Variants in PCSK6 observed in about 807,000 individuals in gnomAD.
PCSK6 encodes the protein paired basic amino acid cleaving enzyme 4.
In PCSK6, 85 loss-of-function variants were observed where a neutral mutation model predicts 123.3. That is an observed-to-expected ratio of 0.69 (90% confidence interval 0.58 to 0.83). The LOEUF is 0.83. PCSK6 is among the 40% of genes least tolerant of loss of function. PCSK6 has a pLI of 0.00. For synonymous variants in PCSK6, 508 were observed against 516.0 expected (o/e 0.98, Z 0.21); for missense variants, 1,191 against 1,282.3 (o/e 0.93, Z 1.09).
At chr15:101,317,655 G>A (rs867796914) in intron 19 of PCSK6, among the ~76,000 whole-genome samples, 3 of 152,092 alleles carry the variant, frequency 2.0e-5, no homozygotes, top group Non-Finnish European at 4.4e-5. Context: ...TTCTGTCCGC[G>A]CCGTTCCACA....
chr15:101,477,610 GTTC>G (rs1248007914), intron 1 of PCSK6, among the ~76,000 whole-genome samples: 1 of 152,148 alleles, frequency 6.6e-6, no homozygotes, highest in South Asian at 2.1e-4. Flanking sequence ...TGGTTTTCTT[GTTC>G]TTTTCTGTAT....
intron 6 of PCSK6, among the ~76,000 whole-genome samples, chr15:101,418,569 G>A (rs2055972693): frequency 6.7e-6 from 1 of 149,214 alleles, no homozygotes; most frequent in Non-Finnish European, 1.5e-5. Flanking sequence ...CTGCAGTGCA[G>A]TGGTGTCATC....
chr15:101,489,629 CGGCGGCCGGGGCCCGGGCGCA>C lies in PCSK6; in HGVS notation c.21_41del (p.Ala8_Pro14del). 1.0e-6 allele frequency: 1 copy of C among 974,016 alleles called. No homozygotes were observed. Among genetic ancestry groups the C allele is most frequent in the Non-Finnish European group, 1.2e-6 (1 of 824,926 alleles). The allele number at this position is 974,016 out of a possible 1,614,324, so 60.3% of individuals were successfully genotyped here. A position where few individuals can be genotyped will look rare whatever the true frequency, so the allele number is the denominator to read the frequency against. ...TGTCGGTGGCGGCGGCGGCCCGGGG[CGGCGGCCGGGGCCCGGGCGCA>C]GGCGGCGCGCGCGGAGGCATAGCGG... is the stretch of plus-strand genomic sequence containing the variant. On this transcript the variant is annotated inframe_deletion, in exon 1 of 22. Transcript: ENST00000611716.
At chr15:101,306,535 T>C (rs1019084273) in intron 21 of PCSK6, among the ~76,000 whole-genome samples, 4 of 152,168 alleles carry the variant, frequency 2.6e-5, no homozygotes, top group Non-Finnish European at 5.9e-5. Context: ...CCCTGCTGCT[T>C]GCTGGGCCAG....
rs1230072228 is a variant in PCSK6, at chr15:101,326,381, T to G, written c.2176A>C (p.Ser726Arg). The change falls in exon 16 of 22, where the codon AGC becomes CGC. Residue 726 changes from serine to arginine, a missense_variant. Coordinates refer to ENST00000611716, the MANE Select transcript of PCSK6 (RefSeq NM_002570.5). ...GGGCTGCGGGACATGCATTACCTGC[T>G]GGTCTTGACACTCCCCAGGCTGAAG... ...VHFSLGSVKT[S>R]RKCVSVCPLG... 1 of 1,569,452 alleles carries G rather than the reference T, an allele frequency of 6.4e-7. No individual in the cohort carries two copies. The highest frequency in any genetic ancestry group is 1.4e-5 in the African/African-American group (1 of 73,686).
intron 13 of PCSK6, chr15:101,347,312 T>G: frequency 8.1e-7 from 1 of 1,234,450 alleles, no homozygotes; most frequent in Non-Finnish European, 1.0e-6. Flanking sequence ...AAAACACAGA[T>G]CAAGATGGCT....
At chr15:101,347,660 G>T in intron 13 of PCSK6, 1 of 1,587,952 alleles carries the variant, frequency 6.3e-7, no homozygotes, top group Non-Finnish European at 8.6e-7. Context: ...GACTTCCAAA[G>T]GCAGCCAAAG....
chr15:101,364,985 G>C, intron 13 of PCSK6: 1 of 778,472 alleles, frequency 1.3e-6, no homozygotes, highest in Non-Finnish European at 2.4e-6. Context: ...AGAATCGAGA[G>C]TGTGGAAACG....
At chr15:101,323,434 G>A (rs74042000) in intron 17 of PCSK6, among the ~76,000 whole-genome samples, 2,839 of 152,248 alleles carry the variant, frequency 0.019, 74 homozygotes, top group African/African-American at 0.06. Flanking sequence ...TTGTTTCCCC[G>A]CTAAAGGGAG....
At chr15:101,432,360 C>T (rs1475998652) in intron 2 of PCSK6, among the ~76,000 whole-genome samples, 1 of 151,778 alleles carries the variant, frequency 6.6e-6, no homozygotes, top group East Asian at 1.9e-4. Flanking sequence ...AAAGTGCTCA[C>T]GCCTGTCATC....
intron 1 of PCSK6, among the ~76,000 whole-genome samples, chr15:101,488,290 A>G (rs1344918225): frequency 3.3e-5 from 5 of 152,112 alleles, no homozygotes. Context: ...AACTGCACTG[A>G]GAGGTCCCCT....
In PCSK6 at chr15:101,398,290, A is replaced by G; in HGVS notation, c.996+114T>C. On this transcript the variant is annotated intron_variant, in intron 7 of 21. Transcript: ENST00000611716. The surrounding 1 kb of genome is among the most constrained non-coding windows in gnomAD (Gnocchi z 4.6). The stretch of plus-strand genomic sequence containing the variant: ...CACTGGCCCTGGCACCTGTCACAGC[A>G]GAGTCTTCCCTGTCTTGTTTCAGGG... 1 of 1,300,282 alleles carries G rather than the reference A, an allele frequency of 7.7e-7. No homozygotes were observed. The highest frequency in any genetic ancestry group is 1.1e-6 in the Non-Finnish European group (1 of 949,124). The allele number at this position is 1,300,282 out of a possible 1,614,324, so 80.5% of individuals were successfully genotyped here. A position where few individuals can be genotyped will look rare whatever the true frequency, so the allele number is the denominator to read the frequency against.
chr15:101,474,543 A>G (rs2057682091), intron 1 of PCSK6, among the ~76,000 whole-genome samples: 1 of 152,014 alleles, frequency 6.6e-6, no homozygotes, highest in Admixed American at 6.6e-5. Flanking sequence ...GAACCCCCCT[A>G]CCCTCTAATG....
intron 1 of PCSK6, among the ~76,000 whole-genome samples, chr15:101,474,647 C>T (rs1713422854): frequency 6.6e-6 from 1 of 152,218 alleles, no homozygotes; most frequent in Non-Finnish European, 1.5e-5. Context: ...CCTCCCCTGA[C>T]ACCTCTGACC....
chr15:101,374,696 C>T (rs1429211062), intron 11 of PCSK6, among the ~76,000 whole-genome samples: 1 of 152,204 alleles, frequency 6.6e-6, no homozygotes, highest in Non-Finnish European at 1.5e-5. Context: ...TTCACAGACC[C>T]GCTAACGGGA....
Position 101,370,541 on chromosome 15 carries a change from G to GCT in PCSK6, c.1533-20_1533-19dup, listed in dbSNP as rs767642901. 6.3e-6 allele frequency: 9 copies of GCT among 1,430,554 alleles called. No individual in the cohort carries two copies. Among genetic ancestry groups the GCT allele is most frequent in the Middle Eastern group, 2.2e-4 (1 of 4,452 alleles). 88.6% of individuals were successfully genotyped at this position (1,430,554 alleles called of 1,614,324 possible). On this transcript the variant is annotated intron_variant, in intron 11 of 21. Coordinates refer to ENST00000611716, the MANE Select transcript of PCSK6 (RefSeq NM_002570.5). ...GGATGCTCCTGGGGGAGAAGGGAGG[G>GCT]CTCAGCACTTGGCACCGGAAGCATG... is the stretch of plus-strand genomic sequence containing the variant.
At chr15:101,399,752 C>T (rs2042530600) in intron 6 of PCSK6, among the ~76,000 whole-genome samples, 3 of 152,098 alleles carry the variant, frequency 2.0e-5, no homozygotes, top group Admixed American at 6.5e-5. Flanking sequence ...TTCTCTGGGG[C>T]TCAGAGAATC....
chr15:101,347,858 G>C, intron 13 of PCSK6: 1 of 1,134,810 alleles, frequency 8.8e-7, no homozygotes, highest in Non-Finnish European at 1.3e-6. Flanking sequence ...AGGAGTGGAG[G>C]GCAGCAGGAG....
chr15:101,306,910 C>G (rs757724825), intron 21 of PCSK6, among the ~76,000 whole-genome samples: 50 of 152,210 alleles, frequency 3.3e-4, no homozygotes, highest in Non-Finnish European at 5.7e-4. Flanking sequence ...CACCGGCGGC[C>G]TATGGCATGG....
Sources: gnomAD v4.1 joint callset for allele counts (sites outside exome capture counted in the v4.1 genomes callset) on GRCh38, gnomAD v4.1.1 for gene constraint, Gnocchi (gnomAD v3.1) non-coding constraint, MANE v1.5 for transcripts, NCBI Gene and HGNC (gene_info 2026-07-23, HGNC 2026-07-21) for gene names.